PCDHGA2: variants seen among roughly 807,000 people sequenced by gnomAD.
The protein encoded by PCDHGA2 is protocadherin gamma subfamily A, 2.
PCDHGA2 carries 40 observed loss-of-function variants against 59.2 expected under a neutral mutation model. That is an observed-to-expected ratio of 0.68 (90% CI 0.52 to 0.88). The LOEUF (loss-of-function observed/expected upper bound fraction) is 0.88. Ranked by LOEUF, PCDHGA2 falls within the 40% of genes least tolerant of loss-of-function variation. PCDHGA2 has a pLI of 0.00. For missense variants in PCDHGA2, 1,226 were observed against 1,204.0 expected, an observed-to-expected ratio of 1.02 and a Z score of -0.27; for synonymous variants, 560 against 526.0, an observed-to-expected ratio of 1.06 and a Z score of -0.89.
intron 1 of PCDHGA2, chr5:141,388,173 G>A (rs2091270272): frequency 1.3e-6 from 2 of 1,502,222 alleles, no homozygotes; most frequent in South Asian, 2.3e-5. Flanking sequence ...GGAGATATGC[G>A]GGAAGAAGCC....
intron 1 of PCDHGA2, chr5:141,400,270 T>G: frequency 6.2e-7 from 1 of 1,614,058 alleles, no homozygotes; most frequent in Non-Finnish European, 8.5e-7. Flanking sequence ...GCGACGCTCC[T>G]CCAGCCCTGC....
chr5:141,486,121 T>G lies in PCDHGA2; in HGVS notation c.2425-8686T>G. The G allele has an allele frequency of 6.2e-7, 1 of 1,614,204 alleles. No homozygotes were observed. Among genetic ancestry groups the G allele is most frequent in the Non-Finnish European group, 8.5e-7 (1 of 1,180,036 alleles). Reference sequence around the variant, plus strand: ...TAGACTTTGAGAGTGAGAATTACTATGAATTTGATGTGCGGGCTCGCGATG... The same window carrying G: ...TAGACTTTGAGAGTGAGAATTACTAGGAATTTGATGTGCGGGCTCGCGATG... On this transcript the variant is annotated intron_variant, in intron 1 of 3. Transcript: ENST00000394576. The surrounding 1 kb of genome is among the most constrained non-coding windows in gnomAD (Gnocchi z 5.0).
Position 141,384,211 on chromosome 5 carries a change from A to G in PCDHGA2, c.2424+42816A>G, listed in dbSNP as rs1779844245. On this transcript the variant is annotated intron_variant, in intron 1 of 3. Transcript: ENST00000394576. The stretch of plus-strand genomic sequence containing the variant: ...TCCTCCCTTGTCCAGGGAAACTCAC[A>G]TATTCATGCAGGTGGCAGACACCAA... The G allele has an allele frequency of 6.2e-7, 1 of 1,613,880 alleles. No individual in the cohort carries two copies. Among genetic ancestry groups the G allele is most frequent in the Non-Finnish European group, 8.5e-7 (1 of 1,179,872 alleles).
chr5:141,453,287 A>T (rs900058377), intron 1 of PCDHGA2, among the ~76,000 whole-genome samples: 1 of 151,368 alleles, frequency 6.6e-6, no homozygotes, highest in Non-Finnish European at 1.5e-5. Context: ...CTAATTTTTT[A>T]ATTATTTATT....
Position 141,414,535 on chromosome 5 carries a change from C to T in PCDHGA2, c.2424+73140C>T, listed in dbSNP as rs2095756820. The T allele has an allele frequency of 6.2e-7, 1 of 1,613,962 alleles. No individual in the cohort carries two copies. On this transcript the variant is annotated intron_variant, in intron 1 of 3. Coordinates refer to ENST00000394576, the MANE Select transcript of PCDHGA2 (RefSeq NM_018915.4). The stretch of plus-strand genomic sequence containing the variant: ...AGTGGCAGATATCAATGACAACCCA[C>T]CTACCTTCTCTCAAGTCTCCTACTT...
In PCDHGA2 at chr5:141,476,065, G is replaced by T; in HGVS notation, c.2425-18742G>T. ...GCTAACCCGCTGAAAGTTTCTCAGC[G>T]AAATCTCAGGGACGATCTGGACCCC... is the stretch of plus-strand genomic sequence containing the variant. On this transcript the variant is annotated intron_variant, in intron 1 of 3. Coordinates refer to ENST00000394576, the MANE Select transcript of PCDHGA2 (RefSeq NM_018915.4). This position sits in a 1 kb window ranked among gnomAD's most constrained non-coding sequence, Gnocchi z 7.6. 6.6e-7 allele frequency: 1 copy of T among 1,511,444 alleles called. No homozygotes were observed. The highest frequency in any genetic ancestry group is 1.3e-5 in the South Asian group (1 of 76,164). The allele number at this position is 1,511,444 out of a possible 1,614,324, so 93.6% of individuals were successfully genotyped here.
intron 1 of PCDHGA2, chr5:141,399,446 A>G (rs2093810942): frequency 6.2e-7 from 1 of 1,613,826 alleles, no homozygotes; most frequent in South Asian, 1.1e-5. Flanking sequence ...CATATCAGAG[A>G]CGTCAACGAT....
At chr5:141,403,501 G>A in intron 1 of PCDHGA2, 1 of 1,614,048 alleles carries the variant, frequency 6.2e-7, no homozygotes, top group South Asian at 1.1e-5. Context: ...TGAACGTGCA[G>A]ACTGGAGACA....
intron 1 of PCDHGA2, among the ~76,000 whole-genome samples, chr5:141,426,133 G>A (rs2096916691): frequency 6.6e-6 from 1 of 152,212 alleles, no homozygotes. Context: ...GCCAAGACTT[G>A]GGCTTTCTGC....
At chr5:141,407,360 A>G (rs1024336863) in intron 1 of PCDHGA2, among the ~76,000 whole-genome samples, 1 of 152,232 alleles carries the variant, frequency 6.6e-6, no homozygotes, top group Non-Finnish European at 1.5e-5. Flanking sequence ...GGAAAACATA[A>G]CAGATATCCA....
At chr5:141,465,812 T>A (rs533291720) in intron 1 of PCDHGA2, among the ~76,000 whole-genome samples, 1 of 152,082 alleles carries the variant, frequency 6.6e-6, no homozygotes, top group South Asian at 2.1e-4. Flanking sequence ...TTCAGGATCT[T>A]GATCACATTT....
chr5:141,372,554 A>T, intron 1 of PCDHGA2: 1 of 1,612,360 alleles, frequency 6.2e-7, no homozygotes, highest in Non-Finnish European at 8.5e-7. Flanking sequence ...GCTCCTCCAG[A>T]CCCGCCACTG....
In PCDHGA2 at chr5:141,404,831, C is replaced by T. The variant is rs760971907; in HGVS notation, c.2424+63436C>T. 12 of 1,613,738 alleles carry T rather than the reference C, an allele frequency of 7.4e-6. No homozygotes were observed. The highest frequency in any genetic ancestry group is 3.3e-5 in the Admixed American group (2 of 59,978). On this transcript the variant is annotated intron_variant, in intron 1 of 3. Transcript: ENST00000394576. ...GGTGGGGCTGCACACAGGTGAAGTGCGCACAGCTCGGGCCCTGCTAGATAG... is the reference window on the plus strand; with the variant it reads ...GGTGGGGCTGCACACAGGTGAAGTGTGCACAGCTCGGGCCCTGCTAGATAG...
chr5:141,445,545 A>G (rs1422837499), intron 1 of PCDHGA2, among the ~76,000 whole-genome samples: 2 of 152,256 alleles, frequency 1.3e-5, no homozygotes, highest in Non-Finnish European at 2.9e-5. Context: ...AAGGAGAAAT[A>G]CAAAAGCACT....
chr5:141,428,037 C>T, intron 1 of PCDHGA2: 1 of 1,608,458 alleles, frequency 6.2e-7, no homozygotes, highest in South Asian at 1.1e-5. Context: ...GTCCGGCTAC[C>T]TGGTGACCAA....
rs1317717658 is a variant in PCDHGA2, at chr5:141,476,494, G to A, written c.2425-18313G>A. On this transcript the variant is annotated intron_variant, in intron 1 of 3. Coordinates refer to ENST00000394576, the MANE Select transcript of PCDHGA2 (RefSeq NM_018915.4). The surrounding 1 kb of genome is among the most constrained non-coding windows in gnomAD (Gnocchi z 7.6). ...TGTTCAGCGTGGAAGTGGTGATCCA[G>A]GACATCAACGACAACAATCCTGCTT... The A allele has an allele frequency of 6.2e-7, 1 of 1,614,012 alleles. No individual in the cohort carries two copies. The highest frequency in any genetic ancestry group is 8.5e-7 in the Non-Finnish European group (1 of 1,179,988).
intron 2 of PCDHGA2, among the ~76,000 whole-genome samples, chr5:141,499,015 AG>A (rs2099788530): frequency 6.6e-6 from 1 of 151,284 alleles, no homozygotes; most frequent in Non-Finnish European, 1.5e-5. Context: ...GAAGGAAGGA[AG>A]GAAGGAAGGA....
chr5:141,400,727 G>A (rs2094067426), intron 1 of PCDHGA2: 2 of 649,836 alleles, frequency 3.1e-6, no homozygotes, highest in African/African-American at 1.8e-5. Flanking sequence ...GATTTACAAA[G>A]TAGTGAGAGT....
intron 1 of PCDHGA2, chr5:141,356,921 G>T (rs767463186): frequency 6.2e-7 from 1 of 1,613,978 alleles, no homozygotes; most frequent in Non-Finnish European, 8.5e-7. Context: ...GGCTCCACTG[G>T]TGTGGAGCTG....
Sources: allele counts gnomAD v4.1 joint callset (sites outside exome capture counted in the v4.1 genomes callset), GRCh38; gene constraint gnomAD v4.1.1; non-coding constraint Gnocchi (gnomAD v3.1); transcripts MANE v1.5; gene names NCBI Gene and HGNC (gene_info 2026-07-23, HGNC 2026-07-21).